PLPPR5: variants seen among roughly 807,000 people sequenced by gnomAD.
The protein encoded by PLPPR5 is phospholipid phosphatase-related protein type 5.
Under a neutral mutation model 33.9 loss-of-function variants are expected in PLPPR5, and 16 were observed. That is an observed-to-expected ratio of 0.47 (90% CI 0.32 to 0.72). The LOEUF is 0.72. Ranked by LOEUF, PLPPR5 falls within the 30% of genes least tolerant of loss-of-function variation. PLPPR5 has a pLI of 0.03. For missense variants in PLPPR5, 301 were observed against 406.7 expected, an observed-to-expected ratio of 0.74 and a Z score of 2.23; for synonymous variants, 163 against 150.3, an observed-to-expected ratio of 1.08 and a Z score of -0.62.
intron 5 of PLPPR5, among the ~76,000 whole-genome samples, chr1:98,902,067 G>T (rs1304876049): frequency 6.6e-6 from 1 of 151,956 alleles, no homozygotes; most frequent in Non-Finnish European, 1.5e-5. Flanking sequence ...CAGACCAGTT[G>T]TATGACCTTG....
intron 1 of PLPPR5, among the ~76,000 whole-genome samples, chr1:98,960,502 C>A (rs1007003824): frequency 1.3e-5 from 2 of 152,062 alleles, no homozygotes; most frequent in Non-Finnish European, 2.9e-5. Context: ...CCGTGCCCAG[C>A]CTGCTCTCAG....
chr1:98,923,040 A>G (rs1206640414), intron 3 of PLPPR5, among the ~76,000 whole-genome samples: 1 of 152,162 alleles, frequency 6.6e-6, no homozygotes, highest in Non-Finnish European at 1.5e-5. Flanking sequence ...AAATGTGTCA[A>G]CTAAAAACAA....
At chr1:98,943,316 T>A (rs1650445939) in intron 3 of PLPPR5, among the ~76,000 whole-genome samples, 1 of 152,166 alleles carries the variant, frequency 6.6e-6, no homozygotes. Flanking sequence ...TTGTAATGAT[T>A]TCCCCAGTCC....
intron 2 of PLPPR5, among the ~76,000 whole-genome samples, chr1:98,954,019 A>G (rs1557682032): frequency 6.6e-6 from 1 of 152,152 alleles, no homozygotes; most frequent in African/African-American, 2.4e-5. Flanking sequence ...GGCAATCAAA[A>G]TTATAGGTTA....
At chr1:98,933,202 A>C (rs1650048641) in intron 3 of PLPPR5, among the ~76,000 whole-genome samples, 1 of 152,066 alleles carries the variant, frequency 6.6e-6, no homozygotes, top group South Asian at 2.1e-4. Context: ...TTAAAAAAAA[A>C]AAAAAGGTTT....
chr1:98,932,512 T>A (rs1004986867), intron 3 of PLPPR5, among the ~76,000 whole-genome samples: 1 of 152,194 alleles, frequency 6.6e-6, no homozygotes, highest in Non-Finnish European at 1.5e-5. Flanking sequence ...CAAAAATATA[T>A]ACAAAATGTA....
intron 5 of PLPPR5, among the ~76,000 whole-genome samples, chr1:98,910,770 T>A (rs1369624518): frequency 6.6e-6 from 1 of 151,862 alleles, no homozygotes; most frequent in Non-Finnish European, 1.5e-5. Context: ...CATTTAAACA[T>A]GCCACTTCAC....
intron 3 of PLPPR5, among the ~76,000 whole-genome samples, chr1:98,951,846 T>C (rs1650795726): frequency 6.6e-6 from 1 of 152,164 alleles, no homozygotes; most frequent in Admixed American, 6.5e-5. Flanking sequence ...TTCCAAGTCA[T>C]TAGAAATAAT....
chr1:98,980,638 A>G (rs1436668112), intron 1 of PLPPR5, among the ~76,000 whole-genome samples: 1 of 152,114 alleles, frequency 6.6e-6, no homozygotes, highest in Non-Finnish European at 1.5e-5. Context: ...GAACTGCAGT[A>G]TCATATCCTC....
At chr1:98,956,548 G>C (rs943425130) in intron 2 of PLPPR5, 61 bp downstream of exon 2, 6 of 1,427,584 alleles carry the variant, frequency 4.2e-6, no homozygotes, top group Non-Finnish European at 5.6e-6. Flanking sequence ...GTTATTTTAA[G>C]GTTTAGCTTA....
chr1:98,953,911 A>AT (rs1285753348), intron 2 of PLPPR5, among the ~76,000 whole-genome samples: 8 of 151,950 alleles, frequency 5.3e-5, no homozygotes, highest in Middle Eastern at 3.2e-3. Context: ...TCAGAAACAC[A>AT]TTTTTTTTAA....
At chr1:98,984,840 G>C (rs1242190647) in intron 1 of PLPPR5, among the ~76,000 whole-genome samples, 1 of 151,614 alleles carries the variant, frequency 6.6e-6, no homozygotes, top group Non-Finnish European at 1.5e-5. Context: ...TACTTTCTTT[G>C]ATCTATTTGT....
intron 3 of PLPPR5, among the ~76,000 whole-genome samples, chr1:98,935,195 C>A (rs1172543242): frequency 6.6e-6 from 1 of 152,094 alleles, no homozygotes; most frequent in Non-Finnish European, 1.5e-5. Context: ...GAGCATTAAG[C>A]CAAGTGCTGG....
chr1:98,911,903 G>A (rs1649165333), intron 5 of PLPPR5, among the ~76,000 whole-genome samples: 2 of 152,088 alleles, frequency 1.3e-5, no homozygotes, highest in East Asian at 1.9e-4. Context: ...AGTACTACAG[G>A]CACATGCCAC....
intron 2 of PLPPR5, among the ~76,000 whole-genome samples, chr1:98,953,885 A>G (rs1650900405): frequency 6.6e-6 from 1 of 152,190 alleles, no homozygotes; most frequent in Admixed American, 6.5e-5. Flanking sequence ...CTTTCAGAGT[A>G]ATCTCTACAT....
intron 1 of PLPPR5, among the ~76,000 whole-genome samples, chr1:98,968,577 GA>G (rs959667705): frequency 1.3e-5 from 2 of 151,478 alleles, no homozygotes; most frequent in African/African-American, 2.4e-5. Flanking sequence ...TATTTTCTAG[GA>G]AAAAAAATTC....
At chr1:98,985,742 T>C (rs997970163) in intron 1 of PLPPR5, among the ~76,000 whole-genome samples, 39 of 152,078 alleles carry the variant, frequency 2.6e-4, no homozygotes, top group African/African-American at 8.9e-4. Flanking sequence ...GTTTTGAGTA[T>C]AGTAACAAGC....
intron 5 of PLPPR5, among the ~76,000 whole-genome samples, chr1:98,900,579 C>T (rs1333539764): frequency 2.6e-5 from 4 of 152,142 alleles, no homozygotes; most frequent in Non-Finnish European, 4.4e-5. Flanking sequence ...GGTAACTCAA[C>T]AGTAAATTGT....
intron 3 of PLPPR5, among the ~76,000 whole-genome samples, chr1:98,926,104 C>T (rs527629579): frequency 7.9e-5 from 12 of 152,220 alleles, no homozygotes; most frequent in East Asian, 5.8e-4. Flanking sequence ...GATGATTATA[C>T]GTATTCTTTT....
Sources: allele counts gnomAD v4.1 joint callset (sites outside exome capture counted in the v4.1 genomes callset), GRCh38; gene constraint gnomAD v4.1.1; transcripts MANE v1.5; gene names NCBI Gene and HGNC (gene_info 2026-07-23, HGNC 2026-07-21).